The following PCP4 variants were observed in gnomAD, a reference collection of about 807,000 sequenced individuals.
The protein encoded by PCP4 is calmodulin regulator protein PCP4.
In PCP4, 8 loss-of-function variants were observed where a neutral mutation model predicts 10.0. That is an observed-to-expected ratio of 0.80 (90% CI 0.47 to 1.45). PCP4 has a LOEUF of 1.45. PCP4 is among the 40% of genes most tolerant of loss of function. The pLI is 0.00. For synonymous variants in PCP4, 21 were observed against 23.0 expected (o/e 0.91, Z 0.24); for missense variants, 54 against 74.4 (o/e 0.73, Z 1.01).
At chr21:39,897,509 A>G (rs920934497) in intron 1 of PCP4, among the ~76,000 whole-genome samples, 2 of 152,164 alleles carry the variant, frequency 1.3e-5, no homozygotes, top group African/African-American at 4.8e-5. Flanking sequence ...CATAACTAGA[A>G]CCACGTTAAG....
intron 2 of PCP4, among the ~76,000 whole-genome samples, chr21:39,914,007 G>C (rs1463454975): frequency 3.2e-4 from 1 of 3,104 alleles, no homozygotes; most frequent in African/African-American, 4.1e-3. Flanking sequence ...CATGAAGGAT[G>C]CCAGATGCAC....
At chr21:39,878,649 A>G (rs16998776) in intron 1 of PCP4, among the ~76,000 whole-genome samples, 5,728 of 152,326 alleles carry the variant, frequency 0.038, 362 homozygotes, top group African/African-American at 0.13. Flanking sequence ...TAAAATTTAC[A>G]TGATCCAATT....
chr21:39,874,747 G>A (rs1345825430), intron 1 of PCP4, among the ~76,000 whole-genome samples: 1 of 150,320 alleles, frequency 6.7e-6, no homozygotes, highest in Non-Finnish European at 1.5e-5. Flanking sequence ...TAGTTAAAAG[G>A]TTACACCTGC....
At chr21:39,891,426 T>C (rs2087430592) in intron 1 of PCP4, among the ~76,000 whole-genome samples, 2 of 152,140 alleles carry the variant, frequency 1.3e-5, no homozygotes, top group South Asian at 4.1e-4. Flanking sequence ...TCCAGATGCA[T>C]GGGGAATTGG....
intron 1 of PCP4, among the ~76,000 whole-genome samples, chr21:39,868,667 T>G (rs114012794): frequency 0.01 from 1,564 of 152,284 alleles, 24 homozygotes; most frequent in African/African-American, 0.036. Flanking sequence ...TCACCTTCTT[T>G]GAACCTCTCA....
At chr21:39,881,927 G>A (rs2087377725) in intron 1 of PCP4, among the ~76,000 whole-genome samples, 1 of 152,266 alleles carries the variant, frequency 6.6e-6, no homozygotes, top group African/African-American at 2.4e-5. Context: ...CCCTCACATA[G>A]CTGTAACATG....
chr21:39,891,637 G>T (rs568827033), intron 1 of PCP4, among the ~76,000 whole-genome samples: 9 of 152,228 alleles, frequency 5.9e-5, no homozygotes, highest in African/African-American at 2.2e-4. Context: ...CAGTGGCCCC[G>T]AACGGCTGGG....
chr21:39,926,906 G>A (rs927273675), intron 2 of PCP4, among the ~76,000 whole-genome samples: 1 of 152,134 alleles, frequency 6.6e-6, no homozygotes, highest in African/African-American at 2.4e-5. Flanking sequence ...CTATCATTTG[G>A]GCTGTCCTGG....
chr21:39,910,023 C>T (rs180885543), intron 2 of PCP4, among the ~76,000 whole-genome samples: 2 of 152,088 alleles, frequency 1.3e-5, no homozygotes, highest in East Asian at 1.9e-4. Flanking sequence ...CTCAAACTCC[C>T]GATCTCAGGC....
At chr21:39,898,045 CAAAAA>C (rs780273912) in intron 1 of PCP4, among the ~76,000 whole-genome samples, 7 of 74,026 alleles carry the variant, frequency 9.5e-5, no homozygotes, top group East Asian at 9.4e-4. Flanking sequence ...GACTCAGTCT[CAAAAA>C]AAAAAAAAAA....
At chr21:39,911,951 C>T (rs1279348053) in intron 2 of PCP4, among the ~76,000 whole-genome samples, 2 of 152,214 alleles carry the variant, frequency 1.3e-5, no homozygotes, top group African/African-American at 2.4e-5. Flanking sequence ...GGGCTAGAAA[C>T]GGCCTATTAG....
intron 2 of PCP4, among the ~76,000 whole-genome samples, chr21:39,903,008 C>G (rs2087488304): frequency 6.6e-6 from 1 of 152,152 alleles, no homozygotes; most frequent in Non-Finnish European, 1.5e-5. Context: ...AATTTGAACA[C>G]AACCGAAAGA....
intron 1 of PCP4, among the ~76,000 whole-genome samples, chr21:39,877,237 C>A (rs982195110): frequency 6.6e-6 from 1 of 152,134 alleles, no homozygotes; most frequent in African/African-American, 2.4e-5. Context: ...AAAAAAAGAA[C>A]AGCCACAGAA....
chr21:39,907,203 A>G (rs1568858543), intron 2 of PCP4, among the ~76,000 whole-genome samples: 1 of 150,486 alleles, frequency 6.6e-6, no homozygotes, highest in Non-Finnish European at 1.5e-5. Context: ...TCTCCCTCTC[A>G]AGCTAGATGT....
At position 39,885,846 on chromosome 21, in the gene PCP4, A is replaced by C. The variant is rs1234382364; in HGVS notation, c.10-12630A>C. ...ATGTTGCTGTCTGAATGTATTAATT[A>C]GTCTGCGGGCAGCTTAAACAACAGA... On this transcript the variant is annotated intron_variant, in intron 1 of 2. Coordinates refer to ENST00000328619, the MANE Select transcript of PCP4 (RefSeq NM_006198.3). Among the ~76,000 whole-genome samples, 4 of 152,242 alleles carry C rather than the reference A, an allele frequency of 2.6e-5. No individual in the cohort carries two copies. The East Asian group carries it at 7.7e-4, about 29-fold the overall frequency.
rs573839500 is a variant in PCP4 at position 39,907,749 on chromosome 21, A to C, written c.61+9222A>C. Among the ~76,000 whole-genome samples the C allele has an allele frequency of 3.3e-5, 5 of 152,204 alleles. No individual in the cohort carries two copies. The South Asian group carries it at 1.0e-3, about 32-fold the overall frequency. On this transcript the variant is annotated intron_variant, in intron 2 of 2. Transcript: ENST00000328619. Reference sequence around the variant, plus strand: ...GAGGCGGAGATTGAGGTGAGCAGACATCGTGCCACTGCACTCCAGCCTGGG... The same window carrying C: ...GAGGCGGAGATTGAGGTGAGCAGACCTCGTGCCACTGCACTCCAGCCTGGG...
chr21:39,874,339 T>A (rs2087334266), intron 1 of PCP4, among the ~76,000 whole-genome samples: 1 of 152,138 alleles, frequency 6.6e-6, no homozygotes, highest in Non-Finnish European at 1.5e-5. Context: ...ATGTTAAATA[T>A]TATTTACGAC....
intron 1 of PCP4, among the ~76,000 whole-genome samples, chr21:39,897,396 A>AG (rs2087462093): frequency 6.6e-6 from 1 of 151,864 alleles, no homozygotes. Flanking sequence ...AAAAAAAAAA[A>AG]AAAAAAAAGT....
intron 2 of PCP4, among the ~76,000 whole-genome samples, chr21:39,902,795 A>G (rs946096381): frequency 4.6e-5 from 7 of 152,178 alleles, no homozygotes; most frequent in African/African-American, 1.7e-4. Flanking sequence ...TCATTCCTCT[A>G]TGAGCAAAGC....
Sources: gnomAD v4.1 joint callset for allele counts (sites outside exome capture counted in the v4.1 genomes callset) on GRCh38, gnomAD v4.1.1 for gene constraint, MANE v1.5 for transcripts, NCBI Gene and HGNC (gene_info 2026-07-23, HGNC 2026-07-21) for gene names.